Variants in CELF2 observed in about 807,000 individuals in gnomAD.
CELF2 encodes CUG triplet repeat RNA-binding protein 2.
A neutral mutation model predicts 62.6 loss-of-function variants in CELF2; 8 were observed. The observed-to-expected ratio is 0.13, with a 90% CI of 0.07 to 0.23. The LOEUF (loss-of-function observed/expected upper bound fraction) is 0.23, where lower values mean the gene tolerates loss of function less well. CELF2 is among the 10% of genes least tolerant of loss of function. CELF2 has a pLI of 1.00. For synonymous variants in CELF2, 258 were observed against 250.0 expected, an observed-to-expected ratio of 1.03 and a Z score of -0.30; for missense variants, 333 against 671.0, an observed-to-expected ratio of 0.50 and a Z score of 5.56.
chr10:10,979,003 A>G (rs2051714448), intron 2 of CELF2, among the ~76,000 whole-genome samples: 2 of 152,144 alleles, frequency 1.3e-5, no homozygotes, highest in South Asian at 4.2e-4. Context: ...TATTTCTAAA[A>G]TCCTGAAAAG....
At chr10:10,509,904 T>G in the CELF2 span, among the ~76,000 whole-genome samples, 2 of 152,066 alleles carry the variant, frequency 1.3e-5, no homozygotes, top group Non-Finnish European at 2.9e-5. Context: ...CAACCATGAG[T>G]CAGAGATGGA....
rs35245941 is a variant in CELF2, at chr10:11,243,359, CAAAAAAAA to C, written c.355-5784_355-5777del. ...GTGCGGCTTTAGGCAAAATGTTATT[CAAAAAAAA>C]AAAAAAAAAGCTTCTAAAAATTCAT... On this transcript the variant is annotated intron_variant, in intron 3 of 12. Coordinates refer to ENST00000633077, the MANE Select transcript of CELF2 (RefSeq NM_001326342.2). This position sits in a 1 kb window ranked among gnomAD's most constrained non-coding sequence, Gnocchi z 4.1. 2.2e-5 allele frequency among the ~76,000 whole-genome samples: 2 copies of C among 91,262 alleles called. No individual in the cohort carries two copies. Among genetic ancestry groups the C allele is most frequent in the Non-Finnish European group, 4.9e-5 (2 of 40,670 alleles). 59.9% of individuals were successfully genotyped at this position (91,262 alleles called of 152,430 possible).
chr10:10,695,563 G>C, the CELF2 span, among the ~76,000 whole-genome samples: 4 of 151,262 alleles, frequency 2.6e-5, no homozygotes, highest in African/African-American at 9.7e-5. Context: ...TGCCTTGCTA[G>C]ATTGGGGAAG....
the CELF2 span, among the ~76,000 whole-genome samples, chr10:10,691,204 T>C: frequency 6.6e-6 from 1 of 151,344 alleles, no homozygotes; most frequent in East Asian, 2.0e-4. Flanking sequence ...CCCCTTCCTG[T>C]GTCCATGTGA....
At chr10:11,041,211 A>G (rs74815056) in intron 1 of CELF2, among the ~76,000 whole-genome samples, 2,558 of 152,286 alleles carry the variant, frequency 0.017, 83 homozygotes, top group African/African-American at 0.058. Flanking sequence ...CTACAACTCA[A>G]TCTACTTCCC....
intron 5 of CELF2, among the ~76,000 whole-genome samples, chr10:11,259,291 A>G (rs1017853610): frequency 3.3e-5 from 5 of 152,204 alleles, no homozygotes; most frequent in African/African-American, 1.2e-4. Context: ...CAGCTGCTAG[A>G]ATGGAAGGCC....
intron 1 of CELF2, among the ~76,000 whole-genome samples, chr10:11,033,662 G>T (rs1331551594): frequency 6.6e-6 from 1 of 152,206 alleles, no homozygotes; most frequent in Non-Finnish European, 1.5e-5. Flanking sequence ...TTTAAGAAAG[G>T]TAATTAGACT....
chr10:11,091,775 A>T (rs112925521), intron 1 of CELF2, among the ~76,000 whole-genome samples: 1 of 152,238 alleles, frequency 6.6e-6, no homozygotes, highest in Non-Finnish European at 1.5e-5. Flanking sequence ...ATGAATGACT[A>T]AACATGAACT....
intron 1 of CELF2, among the ~76,000 whole-genome samples, chr10:10,891,639 C>T (rs753140165): frequency 1.3e-5 from 2 of 152,172 alleles, no homozygotes; most frequent in Non-Finnish European, 2.9e-5. Context: ...GACTTCAACC[C>T]AGACTTGACT....
chr10:10,508,419 A>G, the CELF2 span, among the ~76,000 whole-genome samples: 169 of 152,272 alleles, frequency 1.1e-3, 1 homozygote, highest in East Asian at 0.025. Context: ...AGCTGCTTCT[A>G]TTTGCTTCCT....
chr10:10,652,098 G>A, the CELF2 span, among the ~76,000 whole-genome samples: 4 of 132,244 alleles, frequency 3.0e-5, no homozygotes, highest in African/African-American at 5.6e-5. Flanking sequence ...GAGCCGATGC[G>A]ATCAACTGGA....
chr10:11,279,959 C>T (rs1021730751), intron 8 of CELF2, among the ~76,000 whole-genome samples: 1 of 152,104 alleles, frequency 6.6e-6, no homozygotes, highest in Non-Finnish European at 1.5e-5. Context: ...GCCCCTGGTT[C>T]GAGAGGTGCC....
At chr10:11,106,998 T>A (rs926251961) in intron 1 of CELF2, among the ~76,000 whole-genome samples, 13 of 152,196 alleles carry the variant, frequency 8.5e-5, no homozygotes. Context: ...CCCAGCAGAT[T>A]GCAGAGGGAG....
chr10:10,717,452 T>C, the CELF2 span, among the ~76,000 whole-genome samples: 1 of 152,200 alleles, frequency 6.6e-6, no homozygotes, highest in Non-Finnish European at 1.5e-5. Context: ...TTAAACTAAT[T>C]TATAAGCCAT....
the CELF2 span, among the ~76,000 whole-genome samples, chr10:10,488,636 GTAT>G: frequency 6.6e-6 from 1 of 151,994 alleles, no homozygotes; most frequent in Admixed American, 6.6e-5. Flanking sequence ...GAAATGGCAG[GTAT>G]TATTATTACC....
the CELF2 span, among the ~76,000 whole-genome samples, chr10:10,653,376 A>C: frequency 6.7e-6 from 1 of 148,492 alleles, no homozygotes; most frequent in Non-Finnish European, 1.5e-5. Flanking sequence ...CCTAATAGAC[A>C]TTTACAGAAC....
intron 1 of CELF2, among the ~76,000 whole-genome samples, chr10:11,026,166 C>T (rs1361241624): frequency 6.6e-6 from 1 of 152,234 alleles, no homozygotes; most frequent in Non-Finnish European, 1.5e-5. Context: ...CACCCCCTAC[C>T]TTGTGCCTCT....
intron 2 of CELF2, among the ~76,000 whole-genome samples, chr10:10,965,440 A>G (rs1033248129): frequency 6.6e-6 from 1 of 152,210 alleles, no homozygotes; most frequent in Non-Finnish European, 1.5e-5. Flanking sequence ...TAGTAGATAC[A>G]TTCGATCCCA....
Position 11,104,749 on chromosome 10 carries a change from A to T in CELF2, c.75-60737A>T, listed in dbSNP as rs967261988. On this transcript the variant is annotated intron_variant, in intron 1 of 12. Coordinates refer to ENST00000633077, the MANE Select transcript of CELF2 (RefSeq NM_001326342.2). Reference sequence around the variant, plus strand: ...ACTAAATGCACTAAGGTAAAACATTATTGAAAACAAGATACAATTCATTTT... The same window carrying T: ...ACTAAATGCACTAAGGTAAAACATTTTTGAAAACAAGATACAATTCATTTT... Among the ~76,000 whole-genome samples, 5 of 152,276 alleles carry T rather than the reference A, an allele frequency of 3.3e-5. No individual in the cohort carries two copies. The East Asian group carries it at 5.8e-4, about 18-fold the overall frequency.
Sources: gnomAD v4.1 joint callset for allele counts (sites outside exome capture counted in the v4.1 genomes callset) on GRCh38, gnomAD v4.1.1 for gene constraint, Gnocchi (gnomAD v3.1) non-coding constraint, MANE v1.5 for transcripts, NCBI Gene and HGNC (gene_info 2026-07-23, HGNC 2026-07-21) for gene names.